The following PMS1 variants were observed in gnomAD, a reference collection of about 807,000 sequenced individuals.
PMS1 encodes the protein PMS1 homolog 1, mismatch repair system component.
Under a neutral mutation model 93.1 loss-of-function variants are expected in PMS1, and 79 were observed. The ratio of observed to expected loss-of-function variants is 0.85; its 90% confidence interval spans 0.71 to 1.02. The LOEUF (loss-of-function observed/expected upper bound fraction) is 1.02. PMS1 is among the 50% of genes least tolerant of loss of function. The pLI, the probability that PMS1 is intolerant of heterozygous loss-of-function variation, is 0.00. For missense variants in PMS1, 1,064 were observed against 1,085.3 expected (o/e 0.98, Z 0.28); for synonymous variants, 335 against 363.4 (o/e 0.92, Z 0.89).
At chr2:189,824,873 A>C (rs1227700495) in intron 5 of PMS1, among the ~76,000 whole-genome samples, 1 of 152,118 alleles carries the variant, frequency 6.6e-6, no homozygotes, top group East Asian at 1.9e-4. Context: ...AATAGCAATG[A>C]CATGTTACTA....
chr2:189,863,076 G>T (rs2056188981), intron 9 of PMS1, among the ~76,000 whole-genome samples: 1 of 152,016 alleles, frequency 6.6e-6, no homozygotes, highest in Non-Finnish European at 1.5e-5. Flanking sequence ...ACTGCCCTCT[G>T]GTTAAAAGTC....
chr2:189,822,979 A>G (rs1159346890), intron 5 of PMS1, among the ~76,000 whole-genome samples: 4 of 152,260 alleles, frequency 2.6e-5, no homozygotes, highest in African/African-American at 7.2e-5. Context: ...TACTACAAGT[A>G]TAATGACATC....
chr2:189,832,358 A>G (rs2053024462), intron 5 of PMS1, among the ~76,000 whole-genome samples: 1 of 152,256 alleles, frequency 6.6e-6, no homozygotes, highest in African/African-American at 2.4e-5. Context: ...AAGCAATAGC[A>G]GCTTGATTTG....
intron 3 of PMS1, among the ~76,000 whole-genome samples, chr2:189,798,570 CA>C (rs2049566555): frequency 6.6e-6 from 1 of 152,114 alleles, no homozygotes; most frequent in African/African-American, 2.4e-5. Context: ...TTCAATTGGG[CA>C]TTGTCCGTTT....
intron 4 of PMS1, among the ~76,000 whole-genome samples, chr2:189,809,773 A>T (rs1386657181): frequency 6.6e-6 from 1 of 152,100 alleles, no homozygotes; most frequent in Non-Finnish European, 1.5e-5. Context: ...CGGAGGTTGC[A>T]GTGAGCCGAG....
At chr2:189,858,969 CAAT>C (rs1374680467) in intron 9 of PMS1, among the ~76,000 whole-genome samples, 1 of 152,046 alleles carries the variant, frequency 6.6e-6, no homozygotes, top group East Asian at 1.9e-4. Flanking sequence ...ACTGTTCTCT[CAAT>C]AATATTTTTA....
chr2:189,792,348 A>G (rs1209269364), intron 2 of PMS1, among the ~76,000 whole-genome samples: 3 of 152,072 alleles, frequency 2.0e-5, no homozygotes, highest in Non-Finnish European at 4.4e-5. Flanking sequence ...ATTTGAGTAA[A>G]TATGGCCTAT....
chr2:189,794,501 A>G (rs766363459), intron 2 of PMS1, among the ~76,000 whole-genome samples: 1 of 152,244 alleles, frequency 6.6e-6, no homozygotes, highest in Non-Finnish European at 1.5e-5. Context: ...TTATCTAAAA[A>G]TTGCCGACAT....
rs575313902 is a variant in PMS1 at position 189,817,074 on chromosome 2, T to C, written c.419-943T>C. Among the ~76,000 whole-genome samples, 13 of 152,348 alleles carry C rather than the reference T, an allele frequency of 8.5e-5. No homozygotes were observed. In the South Asian group the frequency reaches 1.7e-3, roughly 19 times the overall value. On this transcript the variant is annotated intron_variant, in intron 4 of 12. Transcript: ENST00000441310. ...TTGGCAGTATCTGGAGATATTTGAT[T>C]GTCACAACTAAGGAGGATGCTACTG...
chr2:189,873,635 C>T lies in PMS1; in HGVS notation c.2613C>T (p.Arg871=), dbSNP rs1351523514. The change falls in exon 12 of 13, where the codon CGC becomes CGT. Residue 871 remains arginine (R), a synonymous_variant. Transcript: ENST00000441310. ...AGGAAGTTTATGAATGTAGACCTCG[C>T]AAAGTGATAAGTTATTTAGAGGTAC... ...NAKEVYECRP[R]KVISYLEGEA... is the part of the protein sequence containing the mutation. The T allele has an allele frequency of 3.7e-6, 6 of 1,605,238 alleles. No individual in the cohort carries two copies. Among genetic ancestry groups the T allele is most frequent in the Non-Finnish European group, 5.1e-6 (6 of 1,172,448 alleles).
chr2:189,844,023 G>A lies in PMS1; in HGVS notation c.642G>A (p.Leu214=), dbSNP rs745928666. The A allele has an allele frequency of 6.2e-7, 1 of 1,613,940 alleles. No homozygotes were observed. Among genetic ancestry groups the A allele is most frequent in the Non-Finnish European group, 8.5e-7 (1 of 1,179,944 alleles). Residue 214 remains leucine, a synonymous_variant, in exon 6 of 13, where the codon CTG becomes CTA. Transcript: ENST00000441310. ...SDHKMALMSV[L]GTAVMNNMES... ...ACAAGATGGCTCTCATGTCAGTTCT[G>A]GGGACTGCTGTTATGAACAATATGG... is the stretch of plus-strand genomic sequence containing the variant.
At chr2:189,830,098 G>GGTATAGAAATAGATGGTAAA (rs2052789763) in intron 5 of PMS1, among the ~76,000 whole-genome samples, 1 of 152,158 alleles carries the variant, frequency 6.6e-6, no homozygotes, top group Non-Finnish European at 1.5e-5. Flanking sequence ...TCTGTATAGA[G>GGTATAGAAATAGATGGTAAA]TCAGATGGTA....
chr2:189,829,272 A>G (rs997272281), intron 5 of PMS1, among the ~76,000 whole-genome samples: 5 of 152,194 alleles, frequency 3.3e-5, no homozygotes, highest in African/African-American at 2.4e-5. Context: ...TAAACATAAC[A>G]TAAATATACC....
chr2:189,821,379 C>T (rs888822511), intron 5 of PMS1, among the ~76,000 whole-genome samples: 8 of 150,612 alleles, frequency 5.3e-5, no homozygotes, highest in Non-Finnish European at 1.2e-4. Context: ...CACTTAAACC[C>T]GGGAAGCAGG....
At chr2:189,818,539 A>G (rs5743044) in intron 5 of PMS1, among the ~76,000 whole-genome samples, 12,215 of 152,182 alleles carry the variant, frequency 0.08, 606 homozygotes, top group East Asian at 0.13. Flanking sequence ...TGAAAAATAA[A>G]TTTCTATTGT....
chr2:189,870,501 G>C (rs1044732545), intron 11 of PMS1, among the ~76,000 whole-genome samples: 1 of 152,098 alleles, frequency 6.6e-6, no homozygotes, highest in African/African-American at 2.4e-5. Flanking sequence ...AACTTTTCAA[G>C]GGTTATTGTT....
intron 3 of PMS1, among the ~76,000 whole-genome samples, chr2:189,800,881 T>C (rs2049825364): frequency 6.6e-6 from 1 of 152,238 alleles, no homozygotes; most frequent in Admixed American, 6.5e-5. Context: ...CAAAATTGGC[T>C]GGAGAAATCT....
intron 11 of PMS1, 93 bp from the exon 12 acceptor site, chr2:189,873,403 G>T (rs553603644): frequency 1.3e-6 from 1 of 792,632 alleles, no homozygotes; most frequent in Non-Finnish European, 2.2e-6. Context: ...TTTGAATGAG[G>T]GTTCACTAAA....
At chr2:189,840,376 G>A (rs1377123717) in intron 5 of PMS1, among the ~76,000 whole-genome samples, 2 of 152,188 alleles carry the variant, frequency 1.3e-5, no homozygotes, top group Non-Finnish European at 2.9e-5. Context: ...GTGATTGGCC[G>A]AAACTTTGTG....
Sources: allele counts gnomAD v4.1 joint callset (sites outside exome capture counted in the v4.1 genomes callset), GRCh38; gene constraint gnomAD v4.1.1; transcripts MANE v1.5; gene names NCBI Gene and HGNC (gene_info 2026-07-23, HGNC 2026-07-21).